Variants in CALN1 observed in about 807,000 individuals in gnomAD.
CALN1 encodes calneuron 1, also known as calcium-binding protein 8.
A neutral mutation model predicts 30.6 loss-of-function variants in CALN1; 17 were observed. That is an observed-to-expected ratio of 0.56 (90% CI 0.38 to 0.83). The LOEUF (loss-of-function observed/expected upper bound fraction) is 0.83. CALN1 is among the 40% of genes least tolerant of loss of function. The probability of loss-of-function intolerance (pLI) is 0.00; values close to 1 mark genes in which losing one functional copy is unlikely to be tolerated. For missense variants in CALN1, 291 were observed against 354.9 expected, an observed-to-expected ratio of 0.82 and a Z score of 1.45; for synonymous variants, 156 against 131.4, an observed-to-expected ratio of 1.19 and a Z score of -1.28.
At chr7:72,275,586 T>TGA (rs1201918467) in intron 3 of CALN1, among the ~76,000 whole-genome samples, 2 of 152,170 alleles carry the variant, frequency 1.3e-5, no homozygotes, top group Non-Finnish European at 2.9e-5. Context: ...TTCCCCAGGC[T>TGA]GAGAGCCTGG....
At chr7:72,108,254 T>C (rs1584957823) in intron 3 of CALN1, among the ~76,000 whole-genome samples, 1 of 152,244 alleles carries the variant, frequency 6.6e-6, no homozygotes, top group African/African-American at 2.4e-5. Context: ...CACTTCTGTT[T>C]GCATTAGGGA....
At chr7:72,272,553 C>G (rs1427296827) in intron 3 of CALN1, among the ~76,000 whole-genome samples, 1 of 152,104 alleles carries the variant, frequency 6.6e-6, no homozygotes, top group Non-Finnish European at 1.5e-5. Flanking sequence ...CAGAGCCAGA[C>G]TCTGTCTCCA....
intron 3 of CALN1, among the ~76,000 whole-genome samples, chr7:72,111,403 T>C (rs887099006): frequency 6.6e-6 from 1 of 152,222 alleles, no homozygotes; most frequent in Non-Finnish European, 1.5e-5. Flanking sequence ...AAGCAAGGAC[T>C]TGGAAAGAAA....
chr7:71,902,437 G>A (rs1793911950), intron 5 of CALN1, among the ~76,000 whole-genome samples: 1 of 152,098 alleles, frequency 6.6e-6, no homozygotes, highest in African/African-American at 2.4e-5. Flanking sequence ...TATTGGAGAG[G>A]ATGTGAAGAA....
intron 3 of CALN1, among the ~76,000 whole-genome samples, chr7:72,169,982 C>T (rs907707745): frequency 2.6e-5 from 4 of 151,468 alleles, no homozygotes; most frequent in Middle Eastern, 3.5e-3. Context: ...CGTGAGACAC[C>T]GCACCTGGCC....
At chr7:72,044,124 C>T (rs1325383759) in intron 4 of CALN1, among the ~76,000 whole-genome samples, 1 of 152,048 alleles carries the variant, frequency 6.6e-6, no homozygotes, top group Non-Finnish European at 1.5e-5. Context: ...ACAACCAAAC[C>T]ACATCAGGTT....
chr7:71,836,688 G>A (rs915672474), intron 5 of CALN1, among the ~76,000 whole-genome samples: 2 of 150,562 alleles, frequency 1.3e-5, no homozygotes, highest in African/African-American at 4.9e-5. Context: ...GCGGATCCTG[G>A]CTCACTGCAA....
chr7:71,948,917 C>A (rs1287853584), intron 5 of CALN1, among the ~76,000 whole-genome samples: 1 of 151,306 alleles, frequency 6.6e-6, no homozygotes, highest in Non-Finnish European at 1.5e-5. Flanking sequence ...GTAGCATGTG[C>A]CTGTAGTCCC....
At chr7:72,276,766 T>C (rs1797357859) in intron 3 of CALN1, among the ~76,000 whole-genome samples, 1 of 152,172 alleles carries the variant, frequency 6.6e-6, no homozygotes, top group South Asian at 2.1e-4. Context: ...ACCAGTGCTA[T>C]GCACTTGGAC....
intron 5 of CALN1, among the ~76,000 whole-genome samples, chr7:71,892,307 A>C (rs751548285): frequency 2.4e-4 from 37 of 152,218 alleles, no homozygotes; most frequent in Admixed American, 9.8e-4. Flanking sequence ...CTTTTTGCTT[A>C]CCTAACTATT....
intron 3 of CALN1, among the ~76,000 whole-genome samples, chr7:72,222,718 A>G (rs75189276): frequency 0.014 from 2,195 of 152,162 alleles, 58 homozygotes; most frequent in African/African-American, 0.05. Context: ...CAGAAATCAC[A>G]AGCTAAAAAG....
rs112270966 is a variant in CALN1 at position 72,102,280 on chromosome 7, A to T, written c.388+3871T>A. 4.8e-3 allele frequency among the ~76,000 whole-genome samples: 732 copies of T among 152,168 alleles called. 5 individuals carry two copies. Among genetic ancestry groups the T allele is most frequent in the Non-Finnish European group, 8.4e-3 (571 of 68,020 alleles). ...GCCAACATGGTGAAACCCCATCTCT[A>T]CTAAAAATACAAAAATTAGCCGGGC... On this transcript the variant is annotated intron_variant, in intron 4 of 6. Coordinates refer to ENST00000395275, the MANE Select transcript of CALN1 (RefSeq NM_031468.4).
chr7:72,012,752 CCTGGCAG>C (rs1172740991), intron 5 of CALN1, among the ~76,000 whole-genome samples: 1 of 152,268 alleles, frequency 6.6e-6, no homozygotes, highest in South Asian at 2.1e-4. Flanking sequence ...TTCTTTTCCT[CCTGGCAG>C]CTGGCAGCTG....
chr7:72,390,130 A>T (rs1238851780), intron 2 of CALN1, among the ~76,000 whole-genome samples: 1 of 151,906 alleles, frequency 6.6e-6, no homozygotes, highest in Non-Finnish European at 1.5e-5. Context: ...CACTGGCTCT[A>T]AGAAATAAGG....
chr7:72,101,366 G>C (rs372337320), intron 4 of CALN1, among the ~76,000 whole-genome samples: 1 of 152,150 alleles, frequency 6.6e-6, no homozygotes, highest in African/African-American at 2.4e-5. Flanking sequence ...CCCTGCAAAT[G>C]TATCTCTGAA....
the CALN1 span, among the ~76,000 whole-genome samples, chr7:72,477,217 A>G: frequency 6.6e-6 from 1 of 152,078 alleles, no homozygotes; most frequent in South Asian, 2.1e-4. Context: ...TCAACAAAAA[A>G]AGAAAGAAAA....
intron 5 of CALN1, among the ~76,000 whole-genome samples, chr7:71,997,392 C>G (rs542978361): frequency 1.3e-5 from 2 of 152,134 alleles, no homozygotes; most frequent in South Asian, 2.1e-4. Flanking sequence ...TCATTATGAA[C>G]ACCAGAAAGA....
At chr7:71,926,424 T>C (rs1423093781) in intron 5 of CALN1, among the ~76,000 whole-genome samples, 1 of 152,206 alleles carries the variant, frequency 6.6e-6, no homozygotes, top group African/African-American at 2.4e-5. Context: ...CATCGGAACA[T>C]ACCATCTCCA....
intron 4 of CALN1, among the ~76,000 whole-genome samples, chr7:72,064,072 G>A (rs1315208627): frequency 2.0e-5 from 3 of 152,070 alleles, no homozygotes; most frequent in Non-Finnish European, 2.9e-5. Context: ...TTAGGAGTTC[G>A]AGACCAGCCT....
Sources: allele counts gnomAD v4.1 joint callset (sites outside exome capture counted in the v4.1 genomes callset), GRCh38; gene constraint gnomAD v4.1.1; transcripts MANE v1.5; gene names NCBI Gene and HGNC (gene_info 2026-07-23, HGNC 2026-07-21).